The following GRM7 variants were observed in gnomAD, a reference collection of about 807,000 sequenced individuals.
The protein encoded by GRM7 is metabotropic glutamate receptor 7.
In GRM7, 35 loss-of-function variants were observed where a neutral mutation model predicts 84.5. The observed-to-expected ratio is 0.41, with a 90% CI of 0.32 to 0.55. The LOEUF (loss-of-function observed/expected upper bound fraction) is 0.55. Among genes scored for constraint, GRM7 ranks in the 20% least tolerant of loss-of-function variants. GRM7 has a pLI of 0.19. For missense variants in GRM7, 1,003 were observed against 1,194.6 expected, an observed-to-expected ratio of 0.84 and a Z score of 2.36; for synonymous variants, 487 against 455.1, an observed-to-expected ratio of 1.07 and a Z score of -0.89.
At chr3:7,445,231 A>G (rs747127854) in intron 5 of GRM7, among the ~76,000 whole-genome samples, 20 of 152,212 alleles carry the variant, frequency 1.3e-4, no homozygotes, top group Non-Finnish European at 2.8e-4. Flanking sequence ...TTATGGCTCT[A>G]AACTAATATT....
At chr3:7,413,283 AT>A (rs1305412536) in intron 4 of GRM7, among the ~76,000 whole-genome samples, 1 of 152,224 alleles carries the variant, frequency 6.6e-6, no homozygotes, top group Admixed American at 6.5e-5. Context: ...TGCCAAGTAT[AT>A]TCCAAGGCAT....
intron 8 of GRM7, among the ~76,000 whole-genome samples, chr3:7,582,831 A>G (rs574095319): frequency 6.6e-6 from 1 of 152,116 alleles, no homozygotes; most frequent in Admixed American, 6.5e-5. Flanking sequence ...AAATTATTGC[A>G]TGTCTCCCCA....
chr3:7,635,598 G>T (rs1278669195), intron 8 of GRM7, among the ~76,000 whole-genome samples: 4 of 152,184 alleles, frequency 2.6e-5, no homozygotes, highest in African/African-American at 7.2e-5. Context: ...GTTGGGAGTT[G>T]TTCCACTGAT....
At chr3:7,158,179 T>C (rs891690447) in intron 2 of GRM7, among the ~76,000 whole-genome samples, 20 of 152,154 alleles carry the variant, frequency 1.3e-4, no homozygotes, top group Admixed American at 1.3e-4. Context: ...AAGGATAGAA[T>C]TGAAATGCAA....
intron 8 of GRM7, among the ~76,000 whole-genome samples, chr3:7,648,346 G>A (rs1051414495): frequency 1.3e-4 from 19 of 151,796 alleles, no homozygotes; most frequent in Non-Finnish European, 2.9e-5. Flanking sequence ...TTGAAGATCT[G>A]GGACACAAGA....
intron 7 of GRM7, among the ~76,000 whole-genome samples, chr3:7,551,375 G>A (rs1294081345): frequency 6.6e-6 from 1 of 152,094 alleles, no homozygotes; most frequent in East Asian, 1.9e-4. Flanking sequence ...CACCCTGTGG[G>A]AATTGAGACT....
At chr3:7,040,762 T>C (rs1696572557) in intron 1 of GRM7, among the ~76,000 whole-genome samples, 2 of 151,974 alleles carry the variant, frequency 1.3e-5, no homozygotes, top group Admixed American at 6.6e-5. Flanking sequence ...CACTCCAAGT[T>C]CCTGACTCAG....
In GRM7 at chr3:7,424,297, CA is replaced by C. The variant is rs137923591; in HGVS notation, c.1174+9144del. Among the ~76,000 whole-genome samples, 118 of 141,192 alleles carry C rather than the reference CA, an allele frequency of 8.4e-4. 1 individual carries two copies. The highest frequency in any genetic ancestry group is 1.4e-3 in the African/African-American group (55 of 38,470). 92.6% of individuals were successfully genotyped at this position (141,192 alleles called of 152,430 possible). On this transcript the variant is annotated intron_variant, in intron 5 of 9. Transcript: ENST00000357716. ...CCTACTTTTGGCCTTCGTTTAAAACCAAAAAAAAAAGGAAAAAGAAAAAAGA... is the reference window on the plus strand; with the variant it reads ...CCTACTTTTGGCCTTCGTTTAAAACCAAAAAAAAAGGAAAAAGAAAAAAGA...
chr3:7,566,471 A>G (rs1218821103), intron 7 of GRM7, among the ~76,000 whole-genome samples: 2 of 152,176 alleles, frequency 1.3e-5, no homozygotes, highest in African/African-American at 4.8e-5. Context: ...TTAAAAAAGT[A>G]TTTTCAAATG....
chr3:7,674,756 G>T (rs986517618), intron 8 of GRM7, among the ~76,000 whole-genome samples: 4 of 152,190 alleles, frequency 2.6e-5, no homozygotes, highest in Non-Finnish European at 4.4e-5. Context: ...CATGCCTGGC[G>T]TGTCACCCTT....
At chr3:6,997,638 G>A (rs971321545) in intron 1 of GRM7, among the ~76,000 whole-genome samples, 1 of 152,110 alleles carries the variant, frequency 6.6e-6, no homozygotes, top group African/African-American at 2.4e-5. Flanking sequence ...AAGATGAGAG[G>A]TGGGTGGGGA....
intron 4 of GRM7, among the ~76,000 whole-genome samples, chr3:7,386,489 A>G (rs930834089): frequency 6.6e-6 from 1 of 151,996 alleles, no homozygotes; most frequent in Admixed American, 6.6e-5. Flanking sequence ...TGTTTACCCA[A>G]TGTTTAGCTC....
chr3:7,331,589 CA>C (rs1186850676), intron 4 of GRM7, among the ~76,000 whole-genome samples: 1 of 152,140 alleles, frequency 6.6e-6, no homozygotes, highest in Non-Finnish European at 1.5e-5. Flanking sequence ...ACCCTATAGC[CA>C]AAAGCACCTG....
intron 1 of GRM7, among the ~76,000 whole-genome samples, chr3:7,103,571 T>C (rs558324985): frequency 7.2e-5 from 11 of 151,974 alleles, no homozygotes; most frequent in African/African-American, 2.6e-4. Flanking sequence ...CTGATTGCTG[T>C]AGGCTTTTAA....
chr3:7,583,698 A>G (rs142603357), intron 8 of GRM7, among the ~76,000 whole-genome samples: 7 of 152,330 alleles, frequency 4.6e-5, no homozygotes, highest in Admixed American at 1.3e-4. Context: ...TTCGTCTCCA[A>G]TTACAAATCT....
chr3:7,635,741 A>G (rs1207891528), intron 8 of GRM7, among the ~76,000 whole-genome samples: 1 of 152,086 alleles, frequency 6.6e-6, no homozygotes, highest in Non-Finnish European at 1.5e-5. Context: ...TGGCACAATC[A>G]TAGTTCACTG....
At chr3:6,881,005 T>G (rs889582829) in intron 1 of GRM7, among the ~76,000 whole-genome samples, 1 of 152,228 alleles carries the variant, frequency 6.6e-6, no homozygotes, top group Admixed American at 6.5e-5. Context: ...CAATCAGTTT[T>G]CTGCTCAGTG....
intron 1 of GRM7, among the ~76,000 whole-genome samples, chr3:6,867,452 T>C (rs1694976235): frequency 1.3e-5 from 2 of 152,328 alleles, no homozygotes; most frequent in African/African-American, 4.8e-5. Flanking sequence ...CTGCAGGATG[T>C]ATAGGCCTCC....
chr3:7,301,666 G>T (rs371249640), intron 3 of GRM7, among the ~76,000 whole-genome samples: 2 of 112,828 alleles, frequency 1.8e-5, no homozygotes, highest in African/African-American at 5.3e-5. Flanking sequence ...TTTTGCATTG[G>T]ACTTGTTTGT....
Sources: gnomAD v4.1 joint callset for allele counts (sites outside exome capture counted in the v4.1 genomes callset) on GRCh38, gnomAD v4.1.1 for gene constraint, MANE v1.5 for transcripts, NCBI Gene and HGNC (gene_info 2026-07-23, HGNC 2026-07-21) for gene names.